Variants in USP16 observed in about 807,000 individuals in gnomAD.
USP16 encodes ubiquitin carboxyl-terminal hydrolase 16.
USP16 carries 77 observed loss-of-function variants against 95.9 expected under a neutral mutation model. The ratio of observed to expected loss-of-function variants is 0.80; its 90% CI spans 0.67 to 0.97. The LOEUF (loss-of-function observed/expected upper bound fraction) is 0.97, where lower values mean the gene tolerates loss of function less well. Ranked by LOEUF, USP16 falls within the 50% of genes least tolerant of loss-of-function variation. The pLI, the probability that USP16 is intolerant of heterozygous loss-of-function variation, is 0.00. For synonymous variants in USP16, 303 were observed against 318.2 expected (o/e 0.95, Z 0.51); for missense variants, 943 against 959.9 (o/e 0.98, Z 0.23).
chr21:29,053,464 A>G (rs749234984), intron 16 of USP16: 59 of 201,514 alleles, frequency 2.9e-4, no homozygotes, highest in Non-Finnish European at 4.6e-4. Context: ...TAAACAGGGT[A>G]TTCAGAGTTG....
intron 13 of USP16, among the ~76,000 whole-genome samples, 141 bp from the exon 14 acceptor site, chr21:29,046,506 TGAGAGTGAACTCTTCCTTAG>T (rs1293195553): frequency 6.6e-6 from 1 of 152,180 alleles, no homozygotes; most frequent in Non-Finnish European, 1.5e-5. Flanking sequence ...GATCAGATTG[TGAGAGTGAACTCTTCCTTAG>T]GAAATTATTT....
At chr21:29,026,551 T>TC (rs1380994849) in intron 1 of USP16, 9 of 128,208 alleles carry the variant, frequency 7.0e-5, no homozygotes. Context: ...TTTTTTTTTT[T>TC]TTTTTTTTTT....
At chr21:29,030,840 T>C in intron 3 of USP16, 67 bp downstream of exon 3, 1 of 1,502,614 alleles carries the variant, frequency 6.7e-7, no homozygotes, top group African/African-American at 1.4e-5. Context: ...TAGAAGGTAT[T>C]ACCTGAAAGT....
intron 16 of USP16, chr21:29,053,214 CATAA>C (rs1004568968): frequency 2.0e-5 from 3 of 152,580 alleles, no homozygotes; most frequent in African/African-American, 7.2e-5. Context: ...TACATGAGAA[CATAA>C]ATAGTTGTCT....
At position 29,050,016 on chromosome 21, in the gene USP16, C is replaced by T. The variant is rs758614983; in HGVS notation, c.2107-76C>T. ...TTAATGTTGATATTCTTTTGGACGTCGGAGGGGACTTCGGTTTACTTAACC... is the reference window on the plus strand; with the variant it reads ...TTAATGTTGATATTCTTTTGGACGTTGGAGGGGACTTCGGTTTACTTAACC... On this transcript the variant is annotated intron_variant, in intron 15 of 17. Transcript: ENST00000399976. 1.9e-4 allele frequency: 249 copies of T among 1,290,870 alleles called. 1 individual carries two copies. Among genetic ancestry groups the T allele is most frequent in the Non-Finnish European group, 2.5e-4 (227 of 921,418 alleles). The allele number at this position is 1,290,870 out of a possible 1,614,324, so 80.0% of individuals were successfully genotyped here.
chr21:29,043,205 C>T (rs1601062850), intron 12 of USP16: 1 of 323,008 alleles, frequency 3.1e-6, no homozygotes. Context: ...GTGATGTTGC[C>T]TTTTGCTGTT....
At chr21:29,044,373 T>C (rs1774225009) in intron 13 of USP16, among the ~76,000 whole-genome samples, 1 of 152,124 alleles carries the variant, frequency 6.6e-6, no homozygotes, top group Admixed American at 6.5e-5. Flanking sequence ...ATTCACACCA[T>C]TCTGGATTGT....
At chr21:29,048,722 A>G (rs1335153885) in intron 14 of USP16, 39 bp from the exon 15 acceptor site, 2 of 1,533,206 alleles carry the variant, frequency 1.3e-6, no homozygotes, top group African/African-American at 1.4e-5. Context: ...GGGGTCTAAA[A>G]TGATTTTCTC....
chr21:29,043,583 C>A lies in USP16; in HGVS notation c.1340C>A (p.Ala447Asp), dbSNP rs1450647523. 2.6e-6 allele frequency: 4 copies of A among 1,543,180 alleles called. No homozygotes were observed. The highest frequency in any genetic ancestry group is 2.4e-5 in the East Asian group (1 of 42,116). ...KHLQKKAKKQ[A>D]KKQAKNQRRQ... ...TTACAGAAAAAAGCAAAGAAACAAG[C>A]CAAAAAGCAAGCCAAGGTGGGTAAT... Residue 447 changes from alanine to aspartate, a missense_variant, in exon 13 of 18, where the codon GCC becomes GAC. By Grantham distance (126) the Ala-to-Asp change is moderately radical (BLOSUM62 -2). Coordinates refer to ENST00000399976, the MANE Select transcript of USP16 (RefSeq NM_006447.3).
rs758699448 is a variant in USP16 at position 29,037,229 on chromosome 21, G to T, written c.449-47G>T. ...GTTTCCCAAGTATACTTCTGCATTC[G>T]ATATGACTGTATTACACATTTTGCT... On this transcript the variant is annotated intron_variant, in intron 5 of 17. Coordinates refer to ENST00000399976, the MANE Select transcript of USP16 (RefSeq NM_006447.3). The T allele has an allele frequency of 3.3e-6, 4 of 1,227,278 alleles. No individual in the cohort carries two copies. The African/African-American group carries it at 6.2e-5, about 19-fold the overall frequency. 76.0% of individuals were successfully genotyped at this position (1,227,278 alleles called of 1,614,324 possible).
At chr21:29,026,946 G>T (rs907424199) in intron 1 of USP16, among the ~76,000 whole-genome samples, 10 of 152,112 alleles carry the variant, frequency 6.6e-5, no homozygotes, top group Admixed American at 6.6e-4. Flanking sequence ...AAAGTTTAGG[G>T]AGTGTGGTCC....
chr21:29,028,304 T>C (rs1429423417), intron 2 of USP16, among the ~76,000 whole-genome samples: 1 of 151,642 alleles, frequency 6.6e-6, no homozygotes, highest in Non-Finnish European at 1.5e-5. Context: ...TTTTTTTTTT[T>C]TTAATAGTGA....
intron 16 of USP16, among the ~76,000 whole-genome samples, chr21:29,051,258 G>T (rs942286016): frequency 6.6e-6 from 1 of 152,184 alleles, no homozygotes; most frequent in African/African-American, 2.4e-5. Flanking sequence ...ACATTTGAGT[G>T]TCAGATACCT....
At chr21:29,024,855 A>C in intron 1 of USP16, 78 bp downstream of exon 1, 1 of 1,210,118 alleles carries the variant, frequency 8.3e-7, no homozygotes, top group Non-Finnish European at 1.1e-6. Context: ...TTTCCGCCCC[A>C]ACTTCGTTCT....
chr21:29,053,993 AT>A, intron 17 of USP16, 35 bp downstream of exon 17: 1 of 1,613,224 alleles, frequency 6.2e-7, no homozygotes, highest in Non-Finnish European at 8.5e-7. Context: ...CACTCAGCAG[AT>A]TACGGCAAAA....
chr21:29,029,436 G>A (rs2085046441), intron 2 of USP16, among the ~76,000 whole-genome samples: 1 of 151,946 alleles, frequency 6.6e-6, no homozygotes, highest in African/African-American at 2.4e-5. Context: ...AAAAAAAAGG[G>A]TACCTTCTTT....
intron 12 of USP16, 114 bp from the exon 13 acceptor site, chr21:29,043,309 A>G (rs999387036): frequency 5.6e-5 from 43 of 761,126 alleles, no homozygotes; most frequent in Non-Finnish European, 7.1e-5. Context: ...ATATTGTGGA[A>G]AAAAAAAGCT....
rs1293062814 is a variant in USP16, at chr21:29,053,952, C to G, written c.2344C>G (p.Pro782Ala). 1 of 1,614,152 alleles carries G rather than the reference C, an allele frequency of 6.2e-7. No homozygotes were observed. Among genetic ancestry groups the G allele is most frequent in the Admixed American group, 1.7e-5 (1 of 60,016 alleles). The change falls in exon 17 of 18, where the codon CCA (proline) becomes GCA (alanine). Residue 782 changes from proline (P) to alanine (A), a missense_variant. Physicochemically the swap from Pro to Ala is conservative, Grantham distance 27. Coordinates refer to ENST00000399976, the MANE Select transcript of USP16 (RefSeq NM_006447.3). Reference sequence around the variant, plus strand: ...TAATCTTGTTCTTCACGGTGATATTCCACAAGGTAAGATGTCTTGGAAAAT... The same window carrying G: ...TAATCTTGTTCTTCACGGTGATATTGCACAAGGTAAGATGTCTTGGAAAAT... ...LSNLVLHGDI[P>A]QDFEMESKGQ...
At position 29,043,924 on chromosome 21, in the gene USP16, C is replaced by T. The variant is rs563703102; in HGVS notation, c.1356+325C>T. ...ATAAAGGTAAACAATAAGTCCCCCT[C>T]CCACCACTGTTTTTTTTTTCCAACC... On this transcript the variant is annotated intron_variant, in intron 13 of 17. Transcript: ENST00000399976. Among the ~76,000 whole-genome samples the T allele has an allele frequency of 1.0e-3, 156 of 152,098 alleles. 1 individual carries two copies. Among genetic ancestry groups the T allele is most frequent in the Middle Eastern group, 6.8e-3 (2 of 294 alleles).
Sources: allele counts gnomAD v4.1 joint callset (sites outside exome capture counted in the v4.1 genomes callset), GRCh38; gene constraint gnomAD v4.1.1; transcripts MANE v1.5; gene names NCBI Gene and HGNC (gene_info 2026-07-23, HGNC 2026-07-21).